The following KLB variants were observed in gnomAD, a reference collection of about 807,000 sequenced individuals.
KLB encodes the protein beta-klotho.
A neutral mutation model predicts 88.4 loss-of-function variants in KLB; 44 were observed. The observed-to-expected ratio is 0.50, with a 90% CI of 0.39 to 0.64. KLB has a LOEUF of 0.64. KLB is among the 30% of genes least tolerant of loss of function. KLB has a pLI of 0.00. For missense variants in KLB, 1,137 were observed against 1,304.8 expected (o/e 0.87, Z 1.98); for synonymous variants, 548 against 513.4 (o/e 1.07, Z -0.91).
Position 39,447,265 on chromosome 4 carries a change from A to G in KLB, c.2539A>G (p.Ile847Val). 6.2e-7 allele frequency: 1 copy of G among 1,614,116 alleles called. No individual in the cohort carries two copies. Among genetic ancestry groups the G allele is most frequent in the South Asian group, 1.1e-5 (1 of 91,084 alleles). Reference protein sequence around the residue: ...AGSRYDSDRDIQFLQDITRLS... With the variant: ...AGSRYDSDRDVQFLQDITRLS... Reference sequence around the variant, plus strand: ...CAGCCGCTACGACTCGGACAGGGACATCCAGTTTCTGCAGGACATCACCCG... The same window carrying G: ...CAGCCGCTACGACTCGGACAGGGACGTCCAGTTTCTGCAGGACATCACCCG... The change falls in exon 4 of 5, where the codon ATC becomes GTC. Residue 847 changes from isoleucine (I) to valine (V), a missense_variant. Around this residue, in one of 4 missense-constraint regions of KLB, gnomAD observed 426 missense variants for 404.6 expected, o/e 1.05. Transcript: ENST00000257408.
intron 1 of KLB, among the ~76,000 whole-genome samples, chr4:39,428,913 G>C (rs1294910689): frequency 6.6e-6 from 1 of 152,024 alleles, no homozygotes; most frequent in Non-Finnish European, 1.5e-5. Context: ...CCACCATGTT[G>C]GCCAGGCTGG....
chr4:39,435,906 T>G (rs1338095008), intron 2 of KLB, among the ~76,000 whole-genome samples: 2 of 152,344 alleles, frequency 1.3e-5, no homozygotes, highest in East Asian at 3.9e-4. Context: ...TTCCTAACAG[T>G]AGTACTTTAT....
At position 39,447,098 on chromosome 4, in the gene KLB, C is replaced by T. The variant is rs1166901088; in HGVS notation, c.2372C>T (p.Ala791Val). Reference protein sequence around the residue: ...DYPAAMREYIASKHRRGLSSS... With the variant: ...DYPAAMREYIVSKHRRGLSSS... ...CCCGCGGCCATGAGGGAATACATTG[C>T]CTCCAAGCACCGACGGGGGCTTTCC... Residue 791 changes from alanine to valine, a missense_variant, in exon 4 of 5, where the codon GCC becomes GTC. Physicochemically the swap from Ala to Val is moderately conservative, Grantham distance 64. Transcript: ENST00000257408. 1 of 1,613,264 alleles carries T rather than the reference C, an allele frequency of 6.2e-7. No individual in the cohort carries two copies. Among genetic ancestry groups the T allele is most frequent in the Non-Finnish European group, 8.5e-7 (1 of 1,179,966 alleles).
At chr4:39,417,097 A>G (rs1215857027) in intron 1 of KLB, among the ~76,000 whole-genome samples, 2 of 16,856 alleles carry the variant, frequency 1.2e-4, no homozygotes, top group Non-Finnish European at 5.5e-4. Context: ...TTTAATTGAA[A>G]AAAAGGATTT....
intron 3 of KLB, chr4:39,441,765 C>CATAAATAAATAAATAAATAA (rs199803695): frequency 1.4e-5 from 2 of 142,754 alleles, no homozygotes; most frequent in South Asian, 2.2e-4. Context: ...CTAGCCCAAA[C>CATAAATAAATAAATAAATAA]ATAAATAAAT....
rs140150766 is a variant in KLB at position 39,448,584 on chromosome 4, C to G, written c.3033C>G (p.Leu1011=). 767 of 1,614,154 alleles carry G rather than the reference C, an allele frequency of 4.8e-4. 3 individuals carry two copies. In the African/African-American group the frequency reaches 7.9e-3, roughly 17 times the overall value. Residue 1011 remains leucine, a synonymous_variant, in exon 5 of 5, where the codon CTC becomes CTG. Transcript: ENST00000257408. ...GCTTCTTCTCCACCCTGGTTCTACT[C>G]TTATCAATTGCCATTTTTCAAAGGC... ...GCCFFSTLVL[L]LSIAIFQRQK...
At chr4:39,423,498 A>T (rs537974308) in intron 1 of KLB, among the ~76,000 whole-genome samples, 57 of 152,038 alleles carry the variant, frequency 3.7e-4, no homozygotes, top group Non-Finnish European at 6.5e-4. Context: ...TAGCTTCAAA[A>T]TTTAGAACTG....
intron 1 of KLB, among the ~76,000 whole-genome samples, chr4:39,421,625 C>T (rs1304468373): frequency 3.9e-5 from 6 of 152,194 alleles, no homozygotes; most frequent in Middle Eastern, 6.8e-3. Flanking sequence ...CATAGTAGCC[C>T]GTGCTTATAA....
In KLB at chr4:39,437,921, A is replaced by G. The variant is rs1743516762; in HGVS notation, c.1531A>G (p.Lys511Glu). The change falls in exon 3 of 5, where the codon AAA becomes GAA. Residue 511 changes from lysine (K) to glutamate (E), a missense_variant. Lys to Glu is a moderately conservative substitution (Grantham distance 56). This residue lies in a region of KLB where 597 missense variants were observed against 765.2 expected (regional missense o/e 0.78). Coordinates refer to ENST00000257408, the MANE Select transcript of KLB (RefSeq NM_175737.4). Reference sequence around the variant, plus strand: ...CATACGAGAAAATGGTTTTTCTTTAAAAGAGTCCACGCCAGATGTGCAGGG... The same window carrying G: ...CATACGAGAAAATGGTTTTTCTTTAGAAGAGTCCACGCCAGATGTGCAGGG... ...QIIRENGFSLKESTPDVQGQF... is the reference protein window; with the variant it reads ...QIIRENGFSLEESTPDVQGQF... 2.5e-6 allele frequency: 4 copies of G among 1,614,176 alleles called. No individual in the cohort carries two copies. Among genetic ancestry groups the G allele is most frequent in the Non-Finnish European group, 2.5e-6 (3 of 1,180,026 alleles).
intron 1 of KLB, among the ~76,000 whole-genome samples, chr4:39,417,961 CT>C (rs1742998870): frequency 1.3e-5 from 2 of 152,120 alleles, no homozygotes; most frequent in African/African-American, 4.8e-5. Context: ...CATAAATCAG[CT>C]GCCCCGCTTC....
chr4:39,434,143 T>C, intron 1 of KLB, 67 bp from the exon 2 acceptor site: 1 of 1,425,576 alleles, frequency 7.0e-7, no homozygotes, highest in Non-Finnish European at 9.6e-7. Context: ...GAAAAGGCCA[T>C]TTACCAGCCA....
At chr4:39,408,316 T>C (rs994273361) in intron 1 of KLB, among the ~76,000 whole-genome samples, 2 of 152,156 alleles carry the variant, frequency 1.3e-5, no homozygotes, top group African/African-American at 4.8e-5. Flanking sequence ...AAAGAGAAGA[T>C]TAATTGTTAT....
intron 2 of KLB, among the ~76,000 whole-genome samples, chr4:39,435,422 ATT>A (rs970629307): frequency 1.5e-5 from 2 of 136,328 alleles, no homozygotes; most frequent in Admixed American, 1.5e-4. Flanking sequence ...CCAGCCTGAA[ATT>A]TTTTTTTCTT....
At position 39,407,152 on chromosome 4, in the gene KLB, C is replaced by T; in HGVS notation, c.203C>T (p.Thr68Ile). The change falls in exon 1 of 5, where the codon ACT becomes ATT. Residue 68 changes from threonine (T) to isoleucine (I), a missense_variant. Coordinates refer to ENST00000257408, the MANE Select transcript of KLB (RefSeq NM_175737.4). Reference protein sequence around the residue: ...RAIWSKNPNFTPVNESQLFLY... With the variant: ...RAIWSKNPNFIPVNESQLFLY... The stretch of plus-strand genomic sequence containing the variant: ...ATATGGTCTAAAAATCCTAATTTTA[C>T]TCCGGTAAATGAAAGTCAGCTGTTT... 1 of 1,614,108 alleles carries T rather than the reference C, an allele frequency of 6.2e-7. No individual in the cohort carries two copies. Among genetic ancestry groups the T allele is most frequent in the Non-Finnish European group, 8.5e-7 (1 of 1,179,990 alleles).
At chr4:39,438,039 T>C (rs1190060527) in intron 3 of KLB, 44 bp downstream of exon 3, 2 of 1,554,992 alleles carry the variant, frequency 1.3e-6, no homozygotes, top group Admixed American at 3.6e-5. Context: ...GGAAAAACAG[T>C]ACACACTATT....
chr4:39,445,658 C>T (rs572445928), intron 3 of KLB, among the ~76,000 whole-genome samples: 54 of 150,224 alleles, frequency 3.6e-4, no homozygotes, highest in Admixed American at 1.7e-3. Flanking sequence ...GCATGCGCCT[C>T]CACGCCTGGC....
Position 39,449,011 on chromosome 4 carries a change from C to T in KLB, c.*325C>T, listed in dbSNP as rs1469832203. On this transcript the variant is annotated 3_prime_UTR_variant, in exon 5 of 5. Coordinates refer to ENST00000257408, the MANE Select transcript of KLB (RefSeq NM_175737.4). ...TCTCTACCAATAGCTACTTGTGGTA[C>T]AATAAATTATTTTTAAGAAGTAAAA... is the stretch of plus-strand genomic sequence containing the variant. 4.7e-6 allele frequency: 1 copy of T among 213,450 alleles called. No homozygotes were observed. The highest frequency in any genetic ancestry group is 9.4e-6 in the Non-Finnish European group (1 of 106,694). The allele number at this position is 213,450 out of a possible 1,614,324, so 13.2% of individuals were successfully genotyped here. A position where few individuals can be genotyped will look rare whatever the true frequency, so the allele number is the denominator to read the frequency against.
chr4:39,418,536 C>A (rs538218131), intron 1 of KLB, among the ~76,000 whole-genome samples: 93 of 151,674 alleles, frequency 6.1e-4, no homozygotes, highest in African/African-American at 2.2e-3. Context: ...CTGTGCCCGG[C>A]CATATCATCT....
chr4:39,414,314 A>T (rs1364092439), intron 1 of KLB, among the ~76,000 whole-genome samples: 1 of 152,108 alleles, frequency 6.6e-6, no homozygotes, highest in African/African-American at 2.4e-5. Flanking sequence ...GAAAAAAAAA[A>T]AAAACAGTGC....
Sources: gnomAD v4.1 joint callset for allele counts (sites outside exome capture counted in the v4.1 genomes callset) on GRCh38, gnomAD v4.1.1 for gene constraint, gnomAD v4.1.1 regional missense constraint, MANE v1.5 for transcripts, NCBI Gene and HGNC (gene_info 2026-07-23, HGNC 2026-07-21) for gene names.